Variants in ELOVL6 observed in about 807,000 individuals in gnomAD.
ELOVL6 encodes the protein very long chain fatty acid elongase 6.
A neutral mutation model predicts 31.7 loss-of-function variants in ELOVL6; 8 were observed. That is an observed-to-expected ratio of 0.25 (90% CI 0.15 to 0.45). The LOEUF (loss-of-function observed/expected upper bound fraction) is 0.45, where lower values mean the gene tolerates loss of function less well. Among genes scored for constraint, ELOVL6 ranks in the 20% least tolerant of loss-of-function variants. The pLI, the probability that ELOVL6 is intolerant of heterozygous loss-of-function variation, is 1.00. For synonymous variants in ELOVL6, 101 were observed against 117.7 expected (o/e 0.86, Z 0.92); for missense variants, 126 against 326.4 (o/e 0.39, Z 4.73).
At position 110,113,584 on chromosome 4, in the gene ELOVL6, G is replaced by A. The variant is rs1222720452; in HGVS notation, c.90-7956C>T. Among the ~76,000 whole-genome samples the A allele has an allele frequency of 2.0e-5, 3 of 152,028 alleles. No homozygotes were observed. In the East Asian group the frequency reaches 5.8e-4, roughly 29 times the overall value. ...AGAGTGAGACCCTGTCTTTAAAAAAGCCAAAAACAAAACAAAAAGTCATTG... is the reference window on the plus strand; with the variant it reads ...AGAGTGAGACCCTGTCTTTAAAAAAACCAAAAACAAAACAAAAAGTCATTG... On this transcript the variant is annotated intron_variant, in intron 1 of 3. Coordinates refer to ENST00000302274, the MANE Select transcript of ELOVL6 (RefSeq NM_024090.3).
At chr4:110,054,079 G>A (rs114032156) in intron 3 of ELOVL6, among the ~76,000 whole-genome samples, 1,544 of 152,274 alleles carry the variant, frequency 0.01, 28 homozygotes, top group African/African-American at 0.035. Context: ...CTAGGCCTGG[G>A]CAACAGGGCA....
At chr4:110,151,616 A>G (rs894463798) in intron 1 of ELOVL6, among the ~76,000 whole-genome samples, 1 of 152,180 alleles carries the variant, frequency 6.6e-6, no homozygotes, top group Non-Finnish European at 1.5e-5. Flanking sequence ...GTAATTATTT[A>G]CCAAAAGGCC....
intron 3 of ELOVL6, among the ~76,000 whole-genome samples, chr4:110,054,941 G>C (rs1430280351): frequency 1.3e-5 from 2 of 152,122 alleles, no homozygotes; most frequent in Non-Finnish European, 2.9e-5. Flanking sequence ...ACATATGCAC[G>C]ATGGTGGGTG....
chr4:110,061,060 A>C (rs1377157139), intron 2 of ELOVL6, among the ~76,000 whole-genome samples: 1 of 152,022 alleles, frequency 6.6e-6, no homozygotes, highest in Non-Finnish European at 1.5e-5. Context: ...AGGTATAAAG[A>C]CTCCATCAAA....
Position 110,078,936 on chromosome 4 carries a change from A to C in ELOVL6, c.222-19182T>G, listed in dbSNP as rs560866499. On this transcript the variant is annotated intron_variant, in intron 2 of 3. Coordinates refer to ENST00000302274, the MANE Select transcript of ELOVL6 (RefSeq NM_024090.3). ...GAAAACAAAAAAAGGCAGAGGTTGCAATCCTAGTCTCTGATAAAACAGACT... is the reference window on the plus strand; with the variant it reads ...GAAAACAAAAAAAGGCAGAGGTTGCCATCCTAGTCTCTGATAAAACAGACT... 9.1e-4 allele frequency among the ~76,000 whole-genome samples: 139 copies of C among 152,342 alleles called. 1 individual carries two copies. The highest frequency in any genetic ancestry group is 1.7e-3 in the Non-Finnish European group (117 of 68,038).
intron 1 of ELOVL6, among the ~76,000 whole-genome samples, chr4:110,124,752 C>T (rs975186648): frequency 6.6e-6 from 1 of 151,970 alleles, no homozygotes; most frequent in African/African-American, 2.4e-5. Context: ...TTCAGGATTT[C>T]CTCTTGCAAA....
At chr4:110,103,009 A>G (rs929845425) in intron 2 of ELOVL6, among the ~76,000 whole-genome samples, 4 of 152,190 alleles carry the variant, frequency 2.6e-5, no homozygotes, top group African/African-American at 9.7e-5. Context: ...ATGATAGTGA[A>G]TAAGTCTTAT....
At chr4:110,084,550 A>ATATATATT (rs1560815686) in intron 2 of ELOVL6, among the ~76,000 whole-genome samples, 2 of 74,002 alleles carry the variant, frequency 2.7e-5, no homozygotes, top group African/African-American at 1.4e-4. Context: ...ACACACACAC[A>ATATATATT]CACACACACA....
chr4:110,101,850 C>G (rs1171943069), intron 2 of ELOVL6, among the ~76,000 whole-genome samples: 1 of 151,944 alleles, frequency 6.6e-6, no homozygotes, highest in Non-Finnish European at 1.5e-5. Flanking sequence ...AATTTTTGTA[C>G]TTTTTGTAGA....
chr4:110,115,347 T>C (rs1448446451), intron 1 of ELOVL6, among the ~76,000 whole-genome samples: 1 of 152,198 alleles, frequency 6.6e-6, no homozygotes, highest in African/African-American at 2.4e-5. Flanking sequence ...AGAAGAAATA[T>C]ATTTTTAGTA....
chr4:110,120,353 T>TAAAAAAAAAA (rs34176994), intron 1 of ELOVL6, among the ~76,000 whole-genome samples: 1 of 144,648 alleles, frequency 6.9e-6, no homozygotes, highest in African/African-American at 2.6e-5. Context: ...AATAAAAAAG[T>TAAAAAAAAAA]AAAAAAAAAA....
chr4:110,171,890 A>C (rs753170978), intron 1 of ELOVL6, among the ~76,000 whole-genome samples: 8 of 151,806 alleles, frequency 5.3e-5, no homozygotes, highest in Non-Finnish European at 1.0e-4. Context: ...AGGTCTCACT[A>C]TATTGCCCAG....
intron 2 of ELOVL6, among the ~76,000 whole-genome samples, chr4:110,063,615 T>C (rs1755209508): frequency 6.6e-6 from 1 of 152,120 alleles, no homozygotes; most frequent in African/African-American, 2.4e-5. Flanking sequence ...TCAAGTGAAA[T>C]GTATCTTTCC....
intron 2 of ELOVL6, among the ~76,000 whole-genome samples, chr4:110,078,355 C>G (rs1560809690): frequency 6.6e-6 from 1 of 152,152 alleles, no homozygotes; most frequent in Non-Finnish European, 1.5e-5. Context: ...TTGGGTTATC[C>G]ACGAAGGGAA....
chr4:110,049,058 A>T lies in ELOVL6; in HGVS notation c.*2280T>A, dbSNP rs1754769743. 2 of 152,224 alleles carry T rather than the reference A, an allele frequency of 1.3e-5. No individual in the cohort carries two copies. The highest frequency in any genetic ancestry group is 4.1e-4 in the South Asian group (2 of 4,832). The allele number at this position is 152,224 out of a possible 1,614,324, so 9.4% of individuals were successfully genotyped here. A position where few individuals can be genotyped will look rare whatever the true frequency, so the allele number is the denominator to read the frequency against. ...ATGTGGCCTTCTCCTCATTTTAATT[A>T]TTCTCATTTTCTGTTATAAGGAAAA... On this transcript the variant is annotated 3_prime_UTR_variant, in exon 4 of 4. Transcript: ENST00000302274.
intron 1 of ELOVL6, among the ~76,000 whole-genome samples, chr4:110,150,920 G>A (rs1758260886): frequency 6.6e-6 from 1 of 152,032 alleles, no homozygotes; most frequent in South Asian, 2.1e-4. Flanking sequence ...GCACATGCCT[G>A]TAATCCCAGC....
intron 1 of ELOVL6, among the ~76,000 whole-genome samples, chr4:110,185,706 T>C (rs1759417485): frequency 6.6e-6 from 1 of 152,060 alleles, no homozygotes; most frequent in African/African-American, 2.4e-5. Context: ...AGAGTCACAA[T>C]TAGGATGACA....
rs183492998 is a variant in ELOVL6 at position 110,133,999 on chromosome 4, C to T, written c.90-28371G>A. On this transcript the variant is annotated intron_variant, in intron 1 of 3. Coordinates refer to ENST00000302274, the MANE Select transcript of ELOVL6 (RefSeq NM_024090.3). ...CCTGTGATTATTTCATGTATCCATT[C>T]ATTCGTTCAACAAATACTTATAAGG... 2.1e-3 allele frequency among the ~76,000 whole-genome samples: 324 copies of T among 152,320 alleles called. 1 individual carries two copies. The highest frequency in any genetic ancestry group is 7.5e-3 in the African/African-American group (312 of 41,576).
chr4:110,096,475 A>G (rs1756583511), intron 2 of ELOVL6, among the ~76,000 whole-genome samples: 1 of 152,204 alleles, frequency 6.6e-6, no homozygotes, highest in African/African-American at 2.4e-5. Flanking sequence ...GAGAATGTTA[A>G]TGAAGTAGCT....
Sources: allele counts gnomAD v4.1 joint callset (sites outside exome capture counted in the v4.1 genomes callset), GRCh38; gene constraint gnomAD v4.1.1; transcripts MANE v1.5; gene names NCBI Gene and HGNC (gene_info 2026-07-23, HGNC 2026-07-21).